CTIF: variants seen among roughly 807,000 people sequenced by gnomAD.
The protein encoded by CTIF is cap binding complex dependent translation initiation factor, also known as CBP80/20-dependent translation initiation factor.
A neutral mutation model predicts 66.0 loss-of-function variants in CTIF; 21 were observed. That is an observed-to-expected ratio of 0.32 (90% confidence interval 0.23 to 0.46). CTIF has a LOEUF of 0.46. Ranked by LOEUF, CTIF falls within the 20% of genes least tolerant of loss-of-function variation. The pLI is 1.00. For synonymous variants in CTIF, 345 were observed against 326.4 expected, an observed-to-expected ratio of 1.06 and a Z score of -0.62; for missense variants, 739 against 812.7, an observed-to-expected ratio of 0.91 and a Z score of 1.10.
At chr18:48,726,680 GA>G (rs1272537356) in intron 7 of CTIF, among the ~76,000 whole-genome samples, 1 of 152,128 alleles carries the variant, frequency 6.6e-6, no homozygotes, top group Non-Finnish European at 1.5e-5. Context: ...CAGACACCAA[GA>G]TCGAAGCTGC....
At chr18:48,726,678 A>G (rs2092389694) in intron 7 of CTIF, among the ~76,000 whole-genome samples, 1 of 152,150 alleles carries the variant, frequency 6.6e-6, no homozygotes, top group African/African-American at 2.4e-5. Flanking sequence ...GACAGACACC[A>G]AGATCGAAGC....
intron 2 of CTIF, among the ~76,000 whole-genome samples, chr18:48,629,560 G>A (rs531622548): frequency 6.6e-6 from 1 of 151,642 alleles, no homozygotes; most frequent in Non-Finnish European, 1.5e-5. Flanking sequence ...ATACAGTATA[G>A]GAAATGAACA....
chr18:48,792,394 A>G (rs2067813848), intron 9 of CTIF, among the ~76,000 whole-genome samples: 3 of 152,162 alleles, frequency 2.0e-5, no homozygotes, highest in Admixed American at 1.3e-4. Flanking sequence ...GAGGGGTGGG[A>G]TGCATCAGAG....
intron 7 of CTIF, among the ~76,000 whole-genome samples, chr18:48,717,125 G>A (rs934504602): frequency 3.9e-5 from 6 of 152,162 alleles, no homozygotes; most frequent in East Asian, 1.9e-4. Context: ...GGGGCCGGGC[G>A]TGGAGGCTCA....
At chr18:48,617,927 C>T (rs977210989) in intron 1 of CTIF, among the ~76,000 whole-genome samples, 3 of 152,208 alleles carry the variant, frequency 2.0e-5, no homozygotes, top group South Asian at 4.1e-4. Flanking sequence ...GCCTGGGGTC[C>T]GAGGGAGGCT....
At chr18:48,551,455 A>G (rs2088878841) in intron 1 of CTIF, among the ~76,000 whole-genome samples, 1 of 151,988 alleles carries the variant, frequency 6.6e-6, no homozygotes, top group Non-Finnish European at 1.5e-5. Context: ...GAGATCATAC[A>G]TTTCTGTTGC....
intron 7 of CTIF, among the ~76,000 whole-genome samples, chr18:48,739,066 C>G (rs1221378214): frequency 6.6e-6 from 1 of 152,170 alleles, no homozygotes; most frequent in Non-Finnish European, 1.5e-5. Flanking sequence ...ACTGTCCACC[C>G]TGAATAGCTG....
At chr18:48,723,645 C>T (rs1396049421) in intron 7 of CTIF, among the ~76,000 whole-genome samples, 1 of 152,144 alleles carries the variant, frequency 6.6e-6, no homozygotes, top group African/African-American at 2.4e-5. Context: ...CTGTTGGCTC[C>T]CCTGACTCCC....
intron 1 of CTIF, among the ~76,000 whole-genome samples, chr18:48,607,519 T>C (rs1416504622): frequency 6.6e-6 from 1 of 152,228 alleles, no homozygotes; most frequent in Non-Finnish European, 1.5e-5. Context: ...TTTTCTACTT[T>C]CTGGGAATCC....
intron 9 of CTIF, among the ~76,000 whole-genome samples, chr18:48,788,328 C>A (rs893841736): frequency 7.9e-5 from 12 of 152,118 alleles, no homozygotes; most frequent in Admixed American, 3.3e-4. Context: ...TGGGGTGCCC[C>A]AAGGAGGGGC....
intron 1 of CTIF, among the ~76,000 whole-genome samples, chr18:48,560,841 G>T (rs933950750): frequency 6.6e-6 from 1 of 152,166 alleles, no homozygotes; most frequent in African/African-American, 2.4e-5. Flanking sequence ...CCAAAGTGCT[G>T]GGATTCTAGG....
chr18:48,601,521 C>T (rs550307337), intron 1 of CTIF, among the ~76,000 whole-genome samples: 9 of 152,230 alleles, frequency 5.9e-5, no homozygotes, highest in Non-Finnish European at 1.3e-4. Flanking sequence ...TGGCCAGCCT[C>T]ATCTGTAAAC....
intron 6 of CTIF, among the ~76,000 whole-genome samples, chr18:48,705,755 T>A (rs1037925214): frequency 1.3e-5 from 2 of 152,264 alleles, no homozygotes; most frequent in Admixed American, 6.5e-5. Context: ...GTTGAGGTTG[T>A]GGCATGCCCT....
chr18:48,587,121 G>T (rs2089787547), intron 1 of CTIF, among the ~76,000 whole-genome samples: 1 of 141,058 alleles, frequency 7.1e-6, no homozygotes, highest in Admixed American at 7.4e-5. Flanking sequence ...TTGCTCTGTT[G>T]CTCAGACTGG....
intron 1 of CTIF, among the ~76,000 whole-genome samples, chr18:48,605,279 C>T (rs565344771): frequency 6.6e-6 from 1 of 152,312 alleles, no homozygotes; most frequent in Non-Finnish European, 1.5e-5. Flanking sequence ...GCTCCACATC[C>T]TCTCCAACAC....
At position 48,758,288 on chromosome 18, in the gene CTIF, G is replaced by A. The variant is rs137937120; in HGVS notation, c.954G>A (p.Gly318=). ...GGCTGCCCCCACAGCAGTCAGGGGG[G>A]CCAGAGGTTGAGACAAAACGTAAAG... The part of the protein sequence containing the change: ...SERLPPQQSG[G]PEVETKRKDS... The change falls in exon 8 of 12, where the codon GGG becomes GGA. Residue 318 remains glycine, a synonymous_variant. Transcript: ENST00000256413. The A allele has an allele frequency of 5.1e-4, 823 of 1,613,404 alleles. 6 individuals are homozygous for A. In the African/African-American group the frequency reaches 9.8e-3, roughly 19 times the overall value.
intron 7 of CTIF, among the ~76,000 whole-genome samples, chr18:48,712,237 T>C (rs1047457246): frequency 2.0e-5 from 3 of 152,092 alleles, no homozygotes; most frequent in African/African-American, 4.8e-5. Flanking sequence ...GGAACCCACT[T>C]AAACTAAGGC....
intron 6 of CTIF, among the ~76,000 whole-genome samples, chr18:48,699,822 G>A (rs2092058677): frequency 6.6e-6 from 1 of 152,210 alleles, no homozygotes; most frequent in Non-Finnish European, 1.5e-5. Flanking sequence ...GCTTAAATAA[G>A]GTAGGCATTG....
chr18:48,704,866 G>A (rs1598900023), intron 6 of CTIF, among the ~76,000 whole-genome samples: 1 of 152,184 alleles, frequency 6.6e-6, no homozygotes, highest in East Asian at 1.9e-4. Context: ...TCATCCAGAG[G>A]ACCCTTGGTT....
Sources: allele counts gnomAD v4.1 joint callset (sites outside exome capture counted in the v4.1 genomes callset), GRCh38; gene constraint gnomAD v4.1.1; transcripts MANE v1.5; gene names NCBI Gene and HGNC (gene_info 2026-07-23, HGNC 2026-07-21).